BMP10: variants seen among roughly 807,000 people sequenced by gnomAD.
BMP10 encodes the protein bone morphogenetic protein 10.
In BMP10, 9 loss-of-function variants were observed where a neutral mutation model predicts 29.9. That is an observed-to-expected ratio of 0.30 (90% CI 0.18 to 0.53). The LOEUF is 0.53. Ranked by LOEUF, BMP10 falls within the 20% of genes least tolerant of loss-of-function variation. BMP10 has a pLI of 0.96. For synonymous variants in BMP10, 202 were observed against 200.2 expected, an observed-to-expected ratio of 1.01 and a Z score of -0.07; for missense variants, 474 against 524.3, an observed-to-expected ratio of 0.90 and a Z score of 0.94.
At chr2:68,869,437 C>A (rs114266643) in intron 1 of BMP10, among the ~76,000 whole-genome samples, 1 of 152,120 alleles carries the variant, frequency 6.6e-6, no homozygotes, top group African/African-American at 2.4e-5. Flanking sequence ...GAGGTGCTGG[C>A]GGCTGGGTTG....
chr2:68,870,254 AC>A (rs1370861825), intron 1 of BMP10, among the ~76,000 whole-genome samples: 1 of 152,142 alleles, frequency 6.6e-6, no homozygotes, highest in African/African-American at 2.4e-5. Flanking sequence ...TAACCAAAAA[AC>A]AAACAAACAA....
rs146833394 is a variant in BMP10, at chr2:68,870,251, AAAAC to A, written c.334+770_334+773del. Among the ~76,000 whole-genome samples, 17 of 152,326 alleles carry A rather than the reference AAAAC, an allele frequency of 1.1e-4. No homozygotes were observed. In the Middle Eastern group the frequency reaches 0.014, roughly 122 times the overall value. ...TTCCTACTAGGACCATATTAACCAAAAAACAAACAAACAAACAAACAAACAAAAA... is the reference window on the plus strand; with the variant it reads ...TTCCTACTAGGACCATATTAACCAAAAAACAAACAAACAAACAAACAAAAA... On this transcript the variant is annotated intron_variant, in intron 1 of 1. Transcript: ENST00000295379.
At position 68,865,575 on chromosome 2, in the gene BMP10, T is replaced by A; in HGVS notation, c.*56A>T. ...ACCCTTATTAAATAATCTCATTAAA[T>A]AGGAACACCAAATATACACATTTAC... On this transcript the variant is annotated 3_prime_UTR_variant, in exon 2 of 2. Coordinates refer to ENST00000295379, the MANE Select transcript of BMP10 (RefSeq NM_014482.3). This position sits in a 1 kb window ranked among gnomAD's most constrained non-coding sequence, Gnocchi z 4.7. 1.3e-6 allele frequency: 2 copies of A among 1,505,676 alleles called. No individual in the cohort carries two copies. Among genetic ancestry groups the A allele is most frequent in the African/African-American group, 2.8e-5 (2 of 71,622 alleles). The allele number at this position is 1,505,676 out of a possible 1,614,324, so 93.3% of individuals were successfully genotyped here.
intron 1 of BMP10, among the ~76,000 whole-genome samples, chr2:68,869,150 A>G (rs1009616151): frequency 2.0e-5 from 3 of 152,220 alleles, no homozygotes; most frequent in African/African-American, 7.2e-5. Flanking sequence ...TAATGCAGGT[A>G]TTGATTCTCT....
At chr2:68,867,393 C>A (rs997053485) in intron 1 of BMP10, among the ~76,000 whole-genome samples, 2 of 152,164 alleles carry the variant, frequency 1.3e-5, no homozygotes, top group African/African-American at 4.8e-5. Context: ...TTATATGGTT[C>A]TCTATAAAGA....
intron 1 of BMP10, among the ~76,000 whole-genome samples, chr2:68,870,250 A>G (rs1683041836): frequency 1.3e-5 from 2 of 152,206 alleles, no homozygotes; most frequent in Admixed American, 1.3e-4. Flanking sequence ...ATATTAACCA[A>G]AAAACAAACA....
At position 68,871,080 on chromosome 2, in the gene BMP10, T is replaced by C; in HGVS notation, c.279A>G (p.Ala93=). ...EYMLELYNKF[A]TDRTSMPSAN... is the part of the protein sequence containing the mutation. ...CAGAGGGCATGGAGGTCCGATCTGTTGCAAATTTGTTGTAGAGTTCCAACA... is the reference window on the plus strand; with the variant it reads ...CAGAGGGCATGGAGGTCCGATCTGTCGCAAATTTGTTGTAGAGTTCCAACA... The change falls in exon 1 of 2, where the codon GCA becomes GCG. Residue 93 remains alanine (A), a synonymous_variant. Coordinates refer to ENST00000295379, the MANE Select transcript of BMP10 (RefSeq NM_014482.3). 2 of 1,614,108 alleles carry C rather than the reference T, an allele frequency of 1.2e-6. No homozygotes were observed. The highest frequency in any genetic ancestry group is 8.5e-7 in the Non-Finnish European group (1 of 1,180,010).
Position 68,871,329 on chromosome 2 carries a change from A to G in BMP10, c.30T>C (p.Ala10=). 1 of 1,614,096 alleles carries G rather than the reference A, an allele frequency of 6.2e-7. No individual in the cohort carries two copies. The highest frequency in any genetic ancestry group is 8.5e-7 in the Non-Finnish European group (1 of 1,179,988). The change falls in exon 1 of 2, where the codon GCT becomes GCC. Residue 10 remains alanine (A), a synonymous_variant. Coordinates refer to ENST00000295379, the MANE Select transcript of BMP10 (RefSeq NM_014482.3). ...CCAAGTAAGCTGCCAGGCAGAAAAG[A>G]GCGCACAGTGTCAGGACCAGAGAGC... MGSLVLTLC[A]LFCLAAYLVS...
chr2:68,864,372 C>T lies in BMP10; in HGVS notation c.*1259G>A, dbSNP rs899613804. 1.3e-5 allele frequency among the ~76,000 whole-genome samples: 2 copies of T among 152,106 alleles called. No homozygotes were observed. The highest frequency in any genetic ancestry group is 2.9e-5 in the Non-Finnish European group (2 of 68,008). ...ATCTAAGTATTCTTCATGAACAAAA[C>T]ATTTGATAAAGGATATTATTAAAAT... On this transcript the variant is annotated 3_prime_UTR_variant, in exon 2 of 2. Transcript: ENST00000295379.
chr2:68,862,837 C>A lies in BMP10; in HGVS notation c.*2794G>T, dbSNP rs558923290. Among the ~76,000 whole-genome samples the A allele has an allele frequency of 6.6e-6, 1 of 152,250 alleles. No homozygotes were observed. The highest frequency in any genetic ancestry group is 2.1e-4 in the South Asian group (1 of 4,824). ...AATACAACTAGCAACATTTGAATAA[C>A]AATATGTTGCTCTCTGCACTCCCTT... is the stretch of plus-strand genomic sequence containing the variant. On this transcript the variant is annotated 3_prime_UTR_variant, in exon 2 of 2. Coordinates refer to ENST00000295379, the MANE Select transcript of BMP10 (RefSeq NM_014482.3).
Position 68,865,129 on chromosome 2 carries a change from A to T in BMP10, c.*502T>A, listed in dbSNP as rs1573684146. Among the ~76,000 whole-genome samples the T allele has an allele frequency of 6.6e-6, 1 of 152,196 alleles. No individual in the cohort carries two copies. The highest frequency in any genetic ancestry group is 2.1e-4 in the South Asian group (1 of 4,834). On this transcript the variant is annotated 3_prime_UTR_variant, in exon 2 of 2. Transcript: ENST00000295379. This position sits in a 1 kb window ranked among gnomAD's most constrained non-coding sequence, Gnocchi z 4.7. ...CAGAAACTCAACTGACAAAAGCTAC[A>T]CTTACATTTCCAGAGTATTTAGGAA...
rs1190033270 is a variant in BMP10 at position 68,866,171 on chromosome 2, G to A, written c.735C>T (p.Ala245=). The part of the protein sequence containing the change: ...SSGRLEIDTS[A]QNKHNPLLIV... The stretch of plus-strand genomic sequence containing the variant: ...TGAGCAAAGGGTTATGCTTATTCTG[G>A]GCACTGGTATCTATTTCTAGCCGTC... Residue 245 remains alanine (A), a synonymous_variant, in exon 2 of 2, where the codon GCC becomes GCT. Coordinates refer to ENST00000295379, the MANE Select transcript of BMP10 (RefSeq NM_014482.3). The A allele has an allele frequency of 6.2e-6, 10 of 1,613,810 alleles. No individual in the cohort carries two copies. The highest frequency in any genetic ancestry group is 2.7e-5 in the African/African-American group (2 of 74,818).
At position 68,864,049 on chromosome 2, in the gene BMP10, T is replaced by C. The variant is rs1338449536; in HGVS notation, c.*1582A>G. ...TGCTTGCCAGGTAGAGGGAAATGGT[T>C]AGGGGTTAAGACTGGAGGCTGCCAC... On this transcript the variant is annotated 3_prime_UTR_variant, in exon 2 of 2. Coordinates refer to ENST00000295379, the MANE Select transcript of BMP10 (RefSeq NM_014482.3). 3.3e-5 allele frequency among the ~76,000 whole-genome samples: 5 copies of C among 152,106 alleles called. No homozygotes were observed. Among genetic ancestry groups the C allele is most frequent in the African/African-American group, 1.2e-4 (5 of 41,422 alleles).
chr2:68,869,218 G>A (rs1446514229), intron 1 of BMP10, among the ~76,000 whole-genome samples: 1 of 60,330 alleles, frequency 1.7e-5, no homozygotes, highest in Non-Finnish European at 3.3e-5. Flanking sequence ...TTCCCCAAAT[G>A]ACAAGGTGAT....
chr2:68,869,056 G>A, intron 1 of BMP10, among the ~76,000 whole-genome samples: 2 of 152,142 alleles, frequency 1.3e-5, no homozygotes. Flanking sequence ...ACATTTCAGG[G>A]CAAGAGAACG....
In BMP10 at chr2:68,861,577, G is replaced by A. The variant is rs537825096; in HGVS notation, c.*4054C>T. 1.3e-4 allele frequency among the ~76,000 whole-genome samples: 20 copies of A among 152,100 alleles called. No individual in the cohort carries two copies. The highest frequency in any genetic ancestry group is 2.4e-4 in the Non-Finnish European group (16 of 68,014). On this transcript the variant is annotated 3_prime_UTR_variant, in exon 2 of 2. Coordinates refer to ENST00000295379, the MANE Select transcript of BMP10 (RefSeq NM_014482.3). ...AGCTTGCAGAACTGCAAAGGGTTGA[G>A]AATGACCCACAGTGACTCTGAAAAG...
intron 1 of BMP10, among the ~76,000 whole-genome samples, chr2:68,867,333 G>A (rs886559781): frequency 6.6e-6 from 1 of 152,182 alleles, no homozygotes; most frequent in Admixed American, 6.5e-5. Flanking sequence ...AGCCTGACAA[G>A]GCCAATAAGA....
rs533477179 is a variant in BMP10 at position 68,865,508 on chromosome 2, A to C, written c.*123T>G. ...AATATGCATTTCCTACAACAAACTG[A>C]CCTGTCCATTTCCTGAAGGCAGCAA... On this transcript the variant is annotated 3_prime_UTR_variant, in exon 2 of 2. Transcript: ENST00000295379. The surrounding 1 kb of genome is among the most constrained non-coding windows in gnomAD (Gnocchi z 4.7). 188 of 976,652 alleles carry C rather than the reference A, an allele frequency of 1.9e-4. 3 individuals are homozygous for C. In the South Asian group the frequency reaches 2.9e-3, roughly 15 times the overall value. The allele number at this position is 976,652 out of a possible 1,614,324, so 60.5% of individuals were successfully genotyped here. A position where few individuals can be genotyped will look rare whatever the true frequency, so the allele number is the denominator to read the frequency against.
In BMP10 at chr2:68,862,369, C is replaced by T. The variant is rs915238584; in HGVS notation, c.*3262G>A. Among the ~76,000 whole-genome samples the T allele has an allele frequency of 6.6e-6, 1 of 152,176 alleles. No homozygotes were observed. Among genetic ancestry groups the T allele is most frequent in the African/African-American group, 2.4e-5 (1 of 41,438 alleles). ...GGCCATATATTATATGTGAGCCATA[C>T]TCTGAAGCCCAGAAGACTCTCTATC... On this transcript the variant is annotated 3_prime_UTR_variant, in exon 2 of 2. Transcript: ENST00000295379.
Sources: allele counts gnomAD v4.1 joint callset (sites outside exome capture counted in the v4.1 genomes callset), GRCh38; gene constraint gnomAD v4.1.1; non-coding constraint Gnocchi (gnomAD v3.1); transcripts MANE v1.5; gene names NCBI Gene and HGNC (gene_info 2026-07-23, HGNC 2026-07-21).